ZNF469: variants seen among roughly 807,000 people sequenced by gnomAD.
ZNF469 encodes the protein zinc finger protein 469.
ZNF469 carries 1 observed loss-of-function variant against 1.0 expected under a neutral mutation model. The ratio of observed to expected loss-of-function variants is 1.00; its 90% CI spans 0.35 to 4.73. ZNF469 has a LOEUF of 4.73. ZNF469 is among the 30% of genes most tolerant of loss of function. ZNF469 has a pLI of 0.16. For missense variants in ZNF469, 6,100 were observed against 5,356.3 expected (o/e 1.14, Z -4.33); for synonymous variants, 2,703 against 2,363.4 (o/e 1.14, Z -4.17).
upstream of ZNF469, among the ~76,000 whole-genome samples, chr16:88,380,343 TCACACACATGCGCTCA>T (rs1328182577): frequency 2.0e-3 from 121 of 60,896 alleles, 7 homozygotes; most frequent in African/African-American, 7.9e-3. Flanking sequence ...ACACATGCGC[TCACACACATGCGCTCA>T]CACACAGACA....
At chr16:88,239,667 G>GTGTATA in the ZNF469 span, among the ~76,000 whole-genome samples, 1 of 28,218 alleles carries the variant, frequency 3.5e-5, no homozygotes, top group Non-Finnish European at 7.6e-5. Context: ...TTTTTTTTTT[G>GTGTATA]TATATATATA....
At chr16:88,395,051 G>A (rs948346237) in intron 1 of ZNF469, among the ~76,000 whole-genome samples, 5 of 152,206 alleles carry the variant, frequency 3.3e-5, no homozygotes, top group Admixed American at 6.5e-5. Context: ...GTTGGCTCAC[G>A]TGCCCCCCGC....
the ZNF469 span, among the ~76,000 whole-genome samples, chr16:88,334,092 G>A: frequency 6.2e-4 from 94 of 151,938 alleles, no homozygotes; most frequent in African/African-American, 2.2e-3. Flanking sequence ...CTATGTGCAT[G>A]TGTATGTCTG....
the ZNF469 span, among the ~76,000 whole-genome samples, chr16:88,306,923 C>T: frequency 1.3e-5 from 2 of 152,200 alleles, no homozygotes; most frequent in Non-Finnish European, 2.9e-5. Context: ...ATTGTGCAAC[C>T]GTCACCACTA....
the ZNF469 span, among the ~76,000 whole-genome samples, chr16:88,370,017 T>A: frequency 6.6e-6 from 1 of 152,246 alleles, no homozygotes; most frequent in Admixed American, 6.5e-5. Flanking sequence ...TACACAAAGT[T>A]TGGACACTCC....
chr16:88,184,771 G>C, the ZNF469 span, among the ~76,000 whole-genome samples: 2 of 152,180 alleles, frequency 1.3e-5, no homozygotes, highest in African/African-American at 4.8e-5. Flanking sequence ...CGACCTCAGC[G>C]ACACATTCCC....
chr16:88,378,589 C>G (rs2092514529), upstream of ZNF469, among the ~76,000 whole-genome samples: 1 of 152,172 alleles, frequency 6.6e-6, no homozygotes, highest in South Asian at 2.1e-4. Flanking sequence ...CTCTGCCCGG[C>G]TGCTCACAGA....
chr16:88,367,481 G>A, the ZNF469 span, among the ~76,000 whole-genome samples: 1 of 152,224 alleles, frequency 6.6e-6, no homozygotes, highest in African/African-American at 2.4e-5. Flanking sequence ...CCTTTTCCCA[G>A]GGCATGGGGC....
chr16:88,418,316 C>T (rs1368243821), intron 1 of ZNF469, among the ~76,000 whole-genome samples: 2 of 152,140 alleles, frequency 1.3e-5, no homozygotes, highest in Non-Finnish European at 2.9e-5. Context: ...AGGCCCATCT[C>T]GGTGAGGCCG....
chr16:88,290,050 G>A, the ZNF469 span, among the ~76,000 whole-genome samples: 6 of 152,192 alleles, frequency 3.9e-5, no homozygotes, highest in Admixed American at 1.3e-4. Flanking sequence ...ACTGTGAGCC[G>A]CTCCCTCAGA....
chr16:88,132,413 C>T, the ZNF469 span, among the ~76,000 whole-genome samples: 8 of 152,348 alleles, frequency 5.3e-5, no homozygotes, highest in Admixed American at 2.0e-4. Context: ...CCACCCAGAG[C>T]GCCGCGTAGC....
intron 1 of ZNF469, among the ~76,000 whole-genome samples, chr16:88,411,918 C>T (rs1905177983): frequency 3.1e-4 from 1 of 3,190 alleles, no homozygotes; most frequent in Non-Finnish European, 4.9e-4. Flanking sequence ...CCTGCCCTGC[C>T]TTCCCAGAAG....
the ZNF469 span, chr16:88,192,259 C>G: frequency 6.6e-6 from 1 of 152,232 alleles, no homozygotes; most frequent in Non-Finnish European, 1.5e-5. Flanking sequence ...GGAGATGGAG[C>G]AGGGACATTG....
intron 1 of ZNF469, among the ~76,000 whole-genome samples, chr16:88,399,816 G>C (rs1251903335): frequency 6.6e-6 from 1 of 152,248 alleles, no homozygotes; most frequent in Non-Finnish European, 1.5e-5. Flanking sequence ...GGAGTGCACA[G>C]GAGGCGTGGA....
chr16:88,111,121 C>T, the ZNF469 span, among the ~76,000 whole-genome samples: 1 of 152,360 alleles, frequency 6.6e-6, no homozygotes, highest in East Asian at 1.9e-4. Context: ...CCCTCCCGCA[C>T]CGCCCCATGT....
intron 1 of ZNF469, among the ~76,000 whole-genome samples, chr16:88,396,446 A>C (rs1375737767): frequency 1.1e-3 from 125 of 113,702 alleles, no homozygotes; most frequent in South Asian, 1.5e-3. Context: ...GGAGACCCTT[A>C]TGAAGGGAGG....
the ZNF469 span, among the ~76,000 whole-genome samples, chr16:88,292,714 C>T: frequency 6.7e-6 from 1 of 148,708 alleles, no homozygotes; most frequent in Non-Finnish European, 1.5e-5. Flanking sequence ...GCAAACTGTG[C>T]TCATTACTTG....
chr16:88,317,557 G>A, the ZNF469 span, among the ~76,000 whole-genome samples: 2 of 152,206 alleles, frequency 1.3e-5, no homozygotes, highest in Non-Finnish European at 2.9e-5. Context: ...CCGACCTGGT[G>A]CAGATGTAGT....
chr16:88,256,904 T>TCTCTCTC, the ZNF469 span, among the ~76,000 whole-genome samples: 57 of 15,848 alleles, frequency 3.6e-3, 1 homozygote, highest in African/African-American at 0.011. Flanking sequence ...CCTTCTTTCT[T>TCTCTCTC]TCTTTCTTTC....
Sources: allele counts gnomAD v4.1 joint callset (sites outside exome capture counted in the v4.1 genomes callset), GRCh38; gene constraint gnomAD v4.1.1; transcripts MANE v1.5; gene names NCBI Gene and HGNC (gene_info 2026-07-23, HGNC 2026-07-21).